OR13C2: variants seen among roughly 807,000 people sequenced by gnomAD.
The protein encoded by OR13C2 is olfactory receptor family 13 subfamily C member 2.
A neutral mutation model predicts 12.8 loss-of-function variants in OR13C2; 9 were observed. That is an observed-to-expected ratio of 0.71 (90% CI 0.43 to 1.23). The LOEUF is 1.23. Ranked by LOEUF, OR13C2 falls within the 50% of genes most tolerant of loss-of-function variation. The pLI is 0.00. For missense variants in OR13C2, 333 were observed against 387.0 expected, an observed-to-expected ratio of 0.86 and a Z score of 1.17; for synonymous variants, 110 against 138.0, an observed-to-expected ratio of 0.80 and a Z score of 1.42.
chr9:104,604,711 G>T lies in OR13C2; in HGVS notation c.917C>A (p.Ala306Glu), dbSNP rs747137250. The change falls in exon 1 of 1, where the codon GCA becomes GAA. Residue 306 changes from alanine (A) to glutamate (E), a missense_variant. Ala to Glu is a moderately radical substitution (Grantham distance 107). Transcript: ENST00000542196. ...YSLRNKDVKE[A>E]VKHLLNRRFF... Reference sequence around the variant, plus strand: ...CCTTCTGTTCAGTAGGTGTTTTACTGCCTCTTTCACATCCTTGTTTCTAAG... The same window carrying T: ...CCTTCTGTTCAGTAGGTGTTTTACTTCCTCTTTCACATCCTTGTTTCTAAG... 3 of 1,612,464 alleles carry T rather than the reference G, an allele frequency of 1.9e-6. No homozygotes were observed. The African/African-American group carries it at 4.0e-5, about 22-fold the overall frequency.
rs752639873 is a variant in OR13C2, at chr9:104,604,766, T to G, written c.862A>C (p.Thr288Pro). The G allele has an allele frequency of 6.2e-7, 1 of 1,613,200 alleles. No individual in the cohort carries two copies. The highest frequency in any genetic ancestry group is 1.7e-5 in the Admixed American group (1 of 59,918). The change falls in exon 1 of 1, where the codon ACT becomes CCT. Residue 288 changes from threonine to proline, a missense_variant. Physicochemically the swap from Thr to Pro is conservative, Grantham distance 38. Coordinates refer to ENST00000542196, the MANE Select transcript of OR13C2 (RefSeq NM_001004481.1). ...KIISMFYGVMTPMMNPLIYSL... is the reference protein window; with the variant it reads ...KIISMFYGVMPPMMNPLIYSL... ...TAGATTAAAGGATTCATCATGGGAG[T>G]CATCACCCCATAGAACATGGATATA... is the stretch of plus-strand genomic sequence containing the variant.
rs1432363976 is a variant in OR13C2 at position 104,604,981 on chromosome 9, A to T, written c.647T>A (p.Val216Asp). 6.2e-7 allele frequency: 1 copy of T among 1,613,536 alleles called. No individual in the cohort carries two copies. The highest frequency in any genetic ancestry group is 8.5e-7 in the Non-Finnish European group (1 of 1,179,986). Residue 216 changes from valine (V) to aspartate (D), a missense_variant, in exon 1 of 1, where the codon GTC (valine) becomes GAC (aspartate). Val to Asp is a radical substitution (Grantham distance 152). Coordinates refer to ENST00000542196, the MANE Select transcript of OR13C2 (RefSeq NM_001004481.1). ...FILTPLLLII[V>D]SYTLIIVSIF... ...GCTCACAATGATTAACGTGTAAGAGACAATGATTAATAACAAAGGTGTCAA... is the reference window on the plus strand; with the variant it reads ...GCTCACAATGATTAACGTGTAAGAGTCAATGATTAATAACAAAGGTGTCAA...
chr9:104,604,703 G>C lies in OR13C2; in HGVS notation c.925C>G (p.His309Asp), dbSNP rs1410990978. The C allele has an allele frequency of 1.9e-6, 3 of 1,612,294 alleles. No homozygotes were observed. In the East Asian group the frequency reaches 6.7e-5, roughly 36 times the overall value. The change falls in exon 1 of 1, where the codon CAC (histidine) becomes GAC (aspartate). Residue 309 changes from histidine to aspartate, a missense_variant. By Grantham distance (81) the His-to-Asp change is moderately conservative. Coordinates refer to ENST00000542196, the MANE Select transcript of OR13C2 (RefSeq NM_001004481.1). ...RNKDVKEAVK[H>D]LLNRRFFSK ...CTAAAGAACCTTCTGTTCAGTAGGT[G>C]TTTTACTGCCTCTTTCACATCCTTG...
In OR13C2 at chr9:104,605,034, G is replaced by A; in HGVS notation, c.594C>T (p.Ile198=). 1 of 1,613,688 alleles carries A rather than the reference G, an allele frequency of 6.2e-7. No individual in the cohort carries two copies. The highest frequency in any genetic ancestry group is 8.5e-7 in the Non-Finnish European group (1 of 1,179,988). ...TGAACAATGTTGTGGCCACAAGCATGATGAACTCATTGTCTGAGATGTCAG... is the reference window on the plus strand; with the variant it reads ...TGAACAATGTTGTGGCCACAAGCATAATGAACTCATTGTCTGAGATGTCAG... ...ACADISDNEF[I]MLVATTLFIL... Residue 198 remains isoleucine, a synonymous_variant, in exon 1 of 1, where the codon ATC becomes ATT. Transcript: ENST00000542196.
In OR13C2 at chr9:104,604,712, C is replaced by A; in HGVS notation, c.916G>T (p.Ala306Ser). Residue 306 changes from alanine to serine, a missense_variant, in exon 1 of 1, where the codon GCA (alanine) becomes TCA (serine). Ala to Ser is a moderately conservative substitution (Grantham distance 99, BLOSUM62 1). Coordinates refer to ENST00000542196, the MANE Select transcript of OR13C2 (RefSeq NM_001004481.1). ...YSLRNKDVKE[A>S]VKHLLNRRFF... Reference sequence around the variant, plus strand: ...CTTCTGTTCAGTAGGTGTTTTACTGCCTCTTTCACATCCTTGTTTCTAAGA... The same window carrying A: ...CTTCTGTTCAGTAGGTGTTTTACTGACTCTTTCACATCCTTGTTTCTAAGA... 7 of 1,612,498 alleles carry A rather than the reference C, an allele frequency of 4.3e-6. No individual in the cohort carries two copies. Among genetic ancestry groups the A allele is most frequent in the Non-Finnish European group, 5.9e-6 (7 of 1,179,400 alleles).
rs1323321756 is a variant in OR13C2 at position 104,605,434 on chromosome 9, T to A, written c.194A>T (p.Asn65Ile). 1.1e-5 allele frequency: 17 copies of A among 1,611,310 alleles called. No individual in the cohort carries two copies. The highest frequency in any genetic ancestry group is 1.4e-5 in the Non-Finnish European group (16 of 1,178,974). The change falls in exon 1 of 1, where the codon AAC becomes ATC. Residue 65 changes from asparagine (N) to isoleucine (I), a missense_variant. By Grantham distance (149) the Asn-to-Ile change is moderately radical. Coordinates refer to ENST00000542196, the MANE Select transcript of OR13C2 (RefSeq NM_001004481.1). ...LHTPMYFFLG[N>I]LSFLDICYTT... is the part of the protein sequence containing the mutation. ...GTAGCAGATGTCCAAGAAGGAGAGG[T>A]TCCCCAGAAAGAAGTACATAGGGGT...
chr9:104,604,881 T>C lies in OR13C2; in HGVS notation c.747A>G (p.Ile249Met), dbSNP rs774962118. The C allele has an allele frequency of 3.1e-6, 5 of 1,613,524 alleles. No homozygotes were observed. In the African/African-American group the frequency reaches 4.0e-5, roughly 13 times the overall value. ...STCSAHLTVVIIFYGTILFMY... is the reference protein window; with the variant it reads ...STCSAHLTVVMIFYGTILFMY... ...TGAAGAGGATGGTCCCATAGAATAT[T>C]ATGACCACAGTCAGATGGGCTGAAC... Residue 249 changes from isoleucine (I) to methionine (M), a missense_variant, in exon 1 of 1, where the codon ATA (isoleucine) becomes ATG (methionine). Coordinates refer to ENST00000542196, the MANE Select transcript of OR13C2 (RefSeq NM_001004481.1).
chr9:104,605,486 T>G lies in OR13C2; in HGVS notation c.142A>C (p.Ile48Leu). Residue 48 changes from isoleucine (I) to leucine (L), a missense_variant, in exon 1 of 1, where the codon ATC (isoleucine) becomes CTC (leucine). By Grantham distance (5) the Ile-to-Leu change is conservative. Transcript: ENST00000542196. ...TGAAGGTGAGGGTCCAAGATGCTGA[T>G]TAAAATGAGAGTACCATTCCCCAGA... Reference protein sequence around the residue: ...ILLGNGTLILISILDPHLHTP... With the variant: ...ILLGNGTLILLSILDPHLHTP... 1 of 1,610,580 alleles carries G rather than the reference T, an allele frequency of 6.2e-7. No individual in the cohort carries two copies. The highest frequency in any genetic ancestry group is 8.5e-7 in the Non-Finnish European group (1 of 1,178,278).
Position 104,605,478 on chromosome 9 carries a change from G to A in OR13C2, c.150C>T (p.Ile50=). ...LGNGTLILIS[I]LDPHLHTPMY... ...TAGGGGTGTGAAGGTGAGGGTCCAA[G>A]ATGCTGATTAAAATGAGAGTACCAT... The change falls in exon 1 of 1, where the codon ATC becomes ATT. Residue 50 remains isoleucine, a synonymous_variant. Transcript: ENST00000542196. 1 of 1,610,540 alleles carries A rather than the reference G, an allele frequency of 6.2e-7. No individual in the cohort carries two copies. Among genetic ancestry groups the A allele is most frequent in the Non-Finnish European group, 8.5e-7 (1 of 1,178,172 alleles).
At position 104,604,798 on chromosome 9, in the gene OR13C2, T is replaced by A. The variant is rs748653876; in HGVS notation, c.830A>T (p.Asp277Val). ...CCCATAGAACATGGATATAATTTTG[T>A]CGGTAGCATCCAAGTCATCCGAATT... is the stretch of plus-strand genomic sequence containing the variant. ...TLNSDDLDAT[D>V]KIISMFYGVM... The change falls in exon 1 of 1, where the codon GAC (aspartate) becomes GTC (valine). Residue 277 changes from aspartate to valine, a missense_variant. Asp to Val is a radical substitution (Grantham distance 152). Transcript: ENST00000542196. 1 of 1,613,346 alleles carries A rather than the reference T, an allele frequency of 6.2e-7. No individual in the cohort carries two copies. The highest frequency in any genetic ancestry group is 1.7e-5 in the Admixed American group (1 of 59,966).
rs1268244681 is a variant in OR13C2, at chr9:104,604,773, C to A, written c.855G>T (p.Gly285=). The A allele has an allele frequency of 2.5e-6, 4 of 1,613,162 alleles. No homozygotes were observed. The African/African-American group carries it at 5.4e-5, about 22-fold the overall frequency. ...AAGGATTCATCATGGGAGTCATCAC[C>A]CCATAGAACATGGATATAATTTTGT... ...ATDKIISMFY[G]VMTPMMNPLI... is the part of the protein sequence containing the mutation. The change falls in exon 1 of 1, where the codon GGG becomes GGT. Residue 285 remains glycine, a synonymous_variant. Transcript: ENST00000542196.
In OR13C2 at chr9:104,604,807, T is replaced by C. The variant is rs763248721; in HGVS notation, c.821A>G (p.Asp274Gly). 1.9e-5 allele frequency: 31 copies of C among 1,613,288 alleles called. No homozygotes were observed. The highest frequency in any genetic ancestry group is 2.5e-5 in the Non-Finnish European group (30 of 1,179,894). Residue 274 changes from aspartate to glycine, a missense_variant, in exon 1 of 1, where the codon GAT becomes GGT. By Grantham distance (94) the Asp-to-Gly change is moderately conservative. Transcript: ENST00000542196. ...CATGGATATAATTTTGTCGGTAGCA[T>C]CCAAGTCATCCGAATTAAGTGTCTC... ...SKETLNSDDL[D>G]ATDKIISMFY...
Position 104,604,966 on chromosome 9 carries a change from A to G in OR13C2, c.662T>C (p.Ile221Thr), listed in dbSNP as rs1826312312. ...LLLIIVSYTLIIVSIFKISSS... is the reference protein window; with the variant it reads ...LLLIIVSYTLTIVSIFKISSS... ...GCTAATTTTGAAGATGCTCACAATG[A>G]TTAACGTGTAAGAGACAATGATTAA... The change falls in exon 1 of 1, where the codon ATC becomes ACC. Residue 221 changes from isoleucine (I) to threonine (T), a missense_variant. Transcript: ENST00000542196. 6.2e-7 allele frequency: 1 copy of G among 1,613,566 alleles called. No homozygotes were observed. Among genetic ancestry groups the G allele is most frequent in the Admixed American group, 1.7e-5 (1 of 59,992 alleles).
chr9:104,604,868 T>C lies in OR13C2; in HGVS notation c.760A>G (p.Thr254Ala). ...GGCTTCATGTACATGAAGAGGATGG[T>C]CCCATAGAATATTATGACCACAGTC... is the stretch of plus-strand genomic sequence containing the variant. ...HLTVVIIFYG[T>A]ILFMYMKPKS... Residue 254 changes from threonine (T) to alanine (A), a missense_variant, in exon 1 of 1, where the codon ACC becomes GCC. Thr to Ala is a moderately conservative substitution (Grantham distance 58, BLOSUM62 0). Coordinates refer to ENST00000542196, the MANE Select transcript of OR13C2 (RefSeq NM_001004481.1). 1 of 1,613,556 alleles carries C rather than the reference T, an allele frequency of 6.2e-7. No individual in the cohort carries two copies. Among genetic ancestry groups the C allele is most frequent in the South Asian group, 1.1e-5 (1 of 91,072 alleles).
Position 104,605,002 on chromosome 9 carries a change from G to A in OR13C2, c.626C>T (p.Thr209Ile). 1 of 1,613,596 alleles carries A rather than the reference G, an allele frequency of 6.2e-7. No homozygotes were observed. The highest frequency in any genetic ancestry group is 8.5e-7 in the Non-Finnish European group (1 of 1,179,968). The change falls in exon 1 of 1, where the codon ACA becomes ATA. Residue 209 changes from threonine to isoleucine, a missense_variant. Transcript: ENST00000542196. ...AGAGACAATGATTAATAACAAAGGTGTCAATATGAACAATGTTGTGGCCAC... is the reference window on the plus strand; with the variant it reads ...AGAGACAATGATTAATAACAAAGGTATCAATATGAACAATGTTGTGGCCAC... ...MLVATTLFIL[T>I]PLLLIIVSYT...
rs753618453 is a variant in OR13C2, at chr9:104,604,778, A to G, written c.850T>C (p.Tyr284His). 21 of 1,613,318 alleles carry G rather than the reference A, an allele frequency of 1.3e-5. No individual in the cohort carries two copies. The Admixed American group carries it at 3.3e-4, about 26-fold the overall frequency. Residue 284 changes from tyrosine to histidine, a missense_variant, in exon 1 of 1, where the codon TAT becomes CAT. Physicochemically the swap from Tyr to His is moderately conservative, Grantham distance 83. Coordinates refer to ENST00000542196, the MANE Select transcript of OR13C2 (RefSeq NM_001004481.1). Reference sequence around the variant, plus strand: ...TTCATCATGGGAGTCATCACCCCATAGAACATGGATATAATTTTGTCGGTA... The same window carrying G: ...TTCATCATGGGAGTCATCACCCCATGGAACATGGATATAATTTTGTCGGTA... ...DATDKIISMF[Y>H]GVMTPMMNPL...
rs775040830 is a variant in OR13C2, at chr9:104,604,961, C to A, written c.667G>T (p.Val223Leu). The A allele has an allele frequency of 3.6e-5, 58 of 1,613,348 alleles. No individual in the cohort carries two copies. In the Middle Eastern group the frequency reaches 4.9e-4, roughly 14 times the overall value. The stretch of plus-strand genomic sequence containing the variant: ...GAAGAGCTAATTTTGAAGATGCTCA[C>A]AATGATTAACGTGTAAGAGACAATG... Reference protein sequence around the residue: ...LIIVSYTLIIVSIFKISSSEG... With the variant: ...LIIVSYTLIILSIFKISSSEG... The change falls in exon 1 of 1, where the codon GTG becomes TTG. Residue 223 changes from valine (V) to leucine (L), a missense_variant. Coordinates refer to ENST00000542196, the MANE Select transcript of OR13C2 (RefSeq NM_001004481.1).
chr9:104,604,812 G>C lies in OR13C2; in HGVS notation c.816C>G (p.Asp272Glu). The change falls in exon 1 of 1, where the codon GAC (aspartate) becomes GAG (glutamate). Residue 272 changes from aspartate to glutamate, a missense_variant. Coordinates refer to ENST00000542196, the MANE Select transcript of OR13C2 (RefSeq NM_001004481.1). Reference protein sequence around the residue: ...PKSKETLNSDDLDATDKIISM... With the variant: ...PKSKETLNSDELDATDKIISM... Reference sequence around the variant, plus strand: ...ATATAATTTTGTCGGTAGCATCCAAGTCATCCGAATTAAGTGTCTCTTTAG... The same window carrying C: ...ATATAATTTTGTCGGTAGCATCCAACTCATCCGAATTAAGTGTCTCTTTAG... 6.2e-7 allele frequency: 1 copy of C among 1,613,410 alleles called. No individual in the cohort carries two copies. The highest frequency in any genetic ancestry group is 1.1e-5 in the South Asian group (1 of 91,072).
In OR13C2 at chr9:104,605,407, G is replaced by A; in HGVS notation, c.221C>T (p.Thr74Ile). The A allele has an allele frequency of 1.2e-6, 2 of 1,612,586 alleles. No homozygotes were observed. Among genetic ancestry groups the A allele is most frequent in the African/African-American group, 1.3e-5 (1 of 74,296 alleles). Residue 74 changes from threonine (T) to isoleucine (I), a missense_variant, in exon 1 of 1, where the codon ACC becomes ATC. Coordinates refer to ENST00000542196, the MANE Select transcript of OR13C2 (RefSeq NM_001004481.1). Reference protein sequence around the residue: ...GNLSFLDICYTTTSIPSTLVS... With the variant: ...GNLSFLDICYITTSIPSTLVS... ...TAGCGTGGAGGGAATAGAGGTGGTG[G>A]TGTAGCAGATGTCCAAGAAGGAGAG...
Sources: allele counts gnomAD v4.1 joint callset, GRCh38; gene constraint gnomAD v4.1.1; transcripts MANE v1.5; gene names NCBI Gene and HGNC (gene_info 2026-07-23, HGNC 2026-07-21).